NREP: variants seen among roughly 807,000 people sequenced by gnomAD.
The protein encoded by NREP is neuronal regeneration related protein.
NREP carries 5 observed loss-of-function variants against 8.6 expected under a neutral mutation model. That is an observed-to-expected ratio of 0.58 (90% confidence interval 0.30 to 1.22). NREP has a LOEUF of 1.22. Among genes scored for constraint, NREP ranks in the 50% most tolerant of loss-of-function variants. The pLI is 0.07. For synonymous variants in NREP, 27 were observed against 28.0 expected (o/e 0.96, Z 0.11); for missense variants, 86 against 82.5 (o/e 1.04, Z -0.17).
intron 2 of NREP, chr5:111,939,963 A>C (rs1755785983): frequency 6.6e-6 from 1 of 152,068 alleles, no homozygotes; most frequent in Admixed American, 6.6e-5. Context: ...GGCTTATAGG[A>C]ATCTGACTCT....
intron 2 of NREP, among the ~76,000 whole-genome samples, chr5:111,852,500 G>A (rs1019349591): frequency 6.6e-6 from 1 of 152,098 alleles, no homozygotes; most frequent in African/African-American, 2.4e-5. Flanking sequence ...CATTACTCTT[G>A]ATAATTTAAA....
At chr5:111,903,237 A>G (rs933837929) in intron 2 of NREP, among the ~76,000 whole-genome samples, 3 of 151,782 alleles carry the variant, frequency 2.0e-5, no homozygotes, top group Non-Finnish European at 4.4e-5. Flanking sequence ...GTTGTATGCT[A>G]CCATGCCTGA....
chr5:111,831,281 C>T (rs1752762156), intron 2 of NREP, among the ~76,000 whole-genome samples: 1 of 152,178 alleles, frequency 6.6e-6, no homozygotes, highest in South Asian at 2.1e-4. Flanking sequence ...TGGTGGCTAT[C>T]AGTGGTTTCT....
intron 2 of NREP, among the ~76,000 whole-genome samples, chr5:111,925,426 A>G (rs1051131584): frequency 3.3e-5 from 5 of 152,136 alleles, no homozygotes; most frequent in Non-Finnish European, 1.5e-5. Context: ...AGACCTCTAA[A>G]GCAGCCATCA....
chr5:111,926,559 T>G (rs1755391586), intron 2 of NREP, among the ~76,000 whole-genome samples: 2 of 152,086 alleles, frequency 1.3e-5, no homozygotes, highest in East Asian at 3.9e-4. Flanking sequence ...AGGTCAGGTT[T>G]GTCTGTCCCC....
intron 2 of NREP, among the ~76,000 whole-genome samples, chr5:111,776,874 T>C (rs1751373406): frequency 6.6e-6 from 1 of 152,152 alleles, no homozygotes; most frequent in Non-Finnish European, 1.5e-5. Flanking sequence ...TATATAAATA[T>C]ATAAAATTGG....
intron 2 of NREP, among the ~76,000 whole-genome samples, chr5:111,740,556 C>T (rs560731527): frequency 5.1e-4 from 77 of 151,978 alleles, no homozygotes; most frequent in Middle Eastern, 3.4e-3. Flanking sequence ...ATTAGCTCAC[C>T]GGTAATTATT....
chr5:111,958,337 C>T (rs990845684), intron 2 of NREP, among the ~76,000 whole-genome samples: 1 of 151,352 alleles, frequency 6.6e-6, no homozygotes, highest in African/African-American at 2.4e-5. Context: ...CCATCTAATG[C>T]AATAAGAGAA....
At chr5:111,890,364 T>C (rs1373954697) in intron 2 of NREP, among the ~76,000 whole-genome samples, 3 of 152,254 alleles carry the variant, frequency 2.0e-5, no homozygotes, top group Non-Finnish European at 4.4e-5. Context: ...TGTAGTTGAA[T>C]GCCTTCAGCT....
chr5:111,970,503 G>A (rs529354499), intron 2 of NREP, among the ~76,000 whole-genome samples: 3 of 152,092 alleles, frequency 2.0e-5, no homozygotes, highest in South Asian at 2.1e-4. Context: ...ACCTCATCAC[G>A]CATTTCCTTG....
chr5:111,967,294 A>ATT (rs11461542), intron 2 of NREP, among the ~76,000 whole-genome samples: 3 of 152,088 alleles, frequency 2.0e-5, no homozygotes, highest in Non-Finnish European at 2.9e-5. Context: ...CTTTCTTTAT[A>ATT]TTTTTTTCTT....
At chr5:111,829,046 T>C (rs781510417) in intron 2 of NREP, among the ~76,000 whole-genome samples, 21 of 151,920 alleles carry the variant, frequency 1.4e-4, no homozygotes, top group Non-Finnish European at 2.8e-4. Context: ...GACAAGGTCA[T>C]TCCAGGCAAG....
chr5:111,736,427 G>C (rs1319762353), intron 2 of NREP, among the ~76,000 whole-genome samples: 1 of 152,196 alleles, frequency 6.6e-6, no homozygotes, highest in African/African-American at 2.4e-5. Context: ...CTCCAGATCA[G>C]ATTCTCCAAA....
intron 2 of NREP, among the ~76,000 whole-genome samples, chr5:111,809,120 A>G (rs1259646873): frequency 3.3e-5 from 5 of 152,182 alleles, no homozygotes; most frequent in Non-Finnish European, 7.4e-5. Flanking sequence ...CTTCGTATCT[A>G]GATGTTAAGG....
At chr5:111,836,216 T>A (rs1752889785) in intron 2 of NREP, among the ~76,000 whole-genome samples, 1 of 152,058 alleles carries the variant, frequency 6.6e-6, no homozygotes, top group African/African-American at 2.4e-5. Flanking sequence ...TTAATATATG[T>A]CTATAGAAAG....
chr5:111,904,417 GTCT>G (rs897071967), intron 2 of NREP, among the ~76,000 whole-genome samples: 21 of 152,068 alleles, frequency 1.4e-4, no homozygotes, highest in African/African-American at 5.1e-4. Flanking sequence ...CATCTTTCCT[GTCT>G]TCTTCCCAAA....
At chr5:111,854,013 C>G (rs374187159) in intron 2 of NREP, among the ~76,000 whole-genome samples, 10 of 152,058 alleles carry the variant, frequency 6.6e-5, no homozygotes, top group African/African-American at 2.4e-4. Flanking sequence ...GAAAACCATA[C>G]AGGAAACAGA....
intron 2 of NREP, among the ~76,000 whole-genome samples, chr5:111,764,177 C>T (rs558602648): frequency 6.6e-6 from 1 of 152,280 alleles, no homozygotes; most frequent in Non-Finnish European, 1.5e-5. Context: ...CTGCAGCATC[C>T]AGGGTTATGC....
chr5:111,922,863 A>C (rs976215023), intron 2 of NREP, among the ~76,000 whole-genome samples: 1 of 152,040 alleles, frequency 6.6e-6, no homozygotes, highest in Non-Finnish European at 1.5e-5. Context: ...TCCCTGATGG[A>C]GCCTTCCCAG....
Sources: allele counts gnomAD v4.1 joint callset (sites outside exome capture counted in the v4.1 genomes callset), GRCh38; gene constraint gnomAD v4.1.1; transcripts MANE v1.5; gene names NCBI Gene and HGNC (gene_info 2026-07-23, HGNC 2026-07-21).